The following DGKB variants were observed in gnomAD, a reference collection of about 807,000 sequenced individuals.
DGKB encodes the protein 90 kDa diacylglycerol kinase.
In DGKB, 67 loss-of-function variants were observed where a neutral mutation model predicts 114.3. That is an observed-to-expected ratio of 0.59 (90% confidence interval 0.48 to 0.72). DGKB has a LOEUF of 0.72. Ranked by LOEUF, DGKB falls within the 30% of genes least tolerant of loss-of-function variation. The pLI is 0.00. For synonymous variants in DGKB, 398 were observed against 323.1 expected (o/e 1.23, Z -2.49); for missense variants, 907 against 975.2 (o/e 0.93, Z 0.93).
chr7:14,945,786 T>C (rs1785838674), intron 1 of DGKB, among the ~76,000 whole-genome samples: 1 of 151,762 alleles, frequency 6.6e-6, no homozygotes, highest in African/African-American at 2.4e-5. Context: ...TGTTTATTTA[T>C]TGTACTTTTG....
rs1587449381 is a variant in DGKB, at chr7:14,953,683, C to G, written c.-188+21013G>C. Among the ~76,000 whole-genome samples, 3 of 152,226 alleles carry G rather than the reference C, an allele frequency of 2.0e-5. No individual in the cohort carries two copies. The South Asian group carries it at 6.2e-4, about 32-fold the overall frequency. On this transcript the variant is annotated intron_variant, in intron 1 of 4. Transcript: ENST00000437998. ...TGAGTTACCAGTTCACCTAGCAAAT[C>G]TGCTCTTAGGTGTAGACCCAAGAAA...
intron 20 of DGKB, among the ~76,000 whole-genome samples, chr7:14,570,477 C>A (rs1798219637): frequency 6.6e-6 from 1 of 152,018 alleles, no homozygotes; most frequent in Middle Eastern, 3.2e-3. Flanking sequence ...TTTGACTACC[C>A]AGAAACTTAA....
At chr7:14,213,258 AT>A (rs1024884064) in intron 23 of DGKB, among the ~76,000 whole-genome samples, 1 of 152,070 alleles carries the variant, frequency 6.6e-6, no homozygotes, top group African/African-American at 2.4e-5. Flanking sequence ...AGTTTCTTCT[AT>A]TTAAAGTTGC....
At chr7:14,710,618 T>C (rs1748383108) in intron 6 of DGKB, among the ~76,000 whole-genome samples, 1 of 152,102 alleles carries the variant, frequency 6.6e-6, no homozygotes, top group Admixed American at 6.6e-5. Context: ...AATATAAAGT[T>C]TGATGGGTGT....
chr7:14,952,592 C>T (rs868012255), intron 1 of DGKB, among the ~76,000 whole-genome samples: 1 of 151,732 alleles, frequency 6.6e-6, no homozygotes, highest in African/African-American at 2.4e-5. Context: ...CCCATCTCTT[C>T]TAAAAATACA....
At chr7:14,836,130 G>A (rs1847125491) in intron 2 of DGKB, among the ~76,000 whole-genome samples, 1 of 152,070 alleles carries the variant, frequency 6.6e-6, no homozygotes. Context: ...AACAGGGCTG[G>A]GATTCCACAC....
chr7:14,904,144 A>T (rs2128240855), upstream of DGKB, among the ~76,000 whole-genome samples: 1 of 152,286 alleles, frequency 6.6e-6, no homozygotes, highest in African/African-American at 2.4e-5. Context: ...ATTACTAGTA[A>T]CATTTGCTCT....
chr7:14,240,352 A>T (rs939801955), intron 23 of DGKB, among the ~76,000 whole-genome samples: 7 of 152,096 alleles, frequency 4.6e-5, no homozygotes, highest in African/African-American at 1.7e-4. Context: ...TTTGCACCCA[A>T]AACAACCAAG....
At chr7:14,285,046 T>G (rs1010338895) in intron 23 of DGKB, among the ~76,000 whole-genome samples, 1 of 151,672 alleles carries the variant, frequency 6.6e-6, no homozygotes, top group African/African-American at 2.4e-5. Flanking sequence ...AAAAAAGAAA[T>G]GTATTGGAAA....
intron 2 of DGKB, among the ~76,000 whole-genome samples, chr7:14,779,177 G>A (rs955305054): frequency 3.3e-5 from 5 of 152,018 alleles, no homozygotes; most frequent in Admixed American, 6.6e-5. Context: ...AATAAAATAT[G>A]AAAAGTTTGT....
intron 20 of DGKB, among the ~76,000 whole-genome samples, chr7:14,554,474 G>A (rs1425850463): frequency 3.9e-5 from 6 of 152,054 alleles, no homozygotes; most frequent in South Asian, 2.1e-4. Flanking sequence ...CTTTAAATAT[G>A]CTTTGTGCAG....
chr7:14,958,426 A>AACACACACACACAC (rs754087921), intron 1 of DGKB, among the ~76,000 whole-genome samples: 2,343 of 122,796 alleles, frequency 0.019, 40 homozygotes, highest in East Asian at 0.037. Flanking sequence ...TACCTCTCCC[A>AACACACACACACAC]ACACACACAC....
At chr7:14,830,445 T>A (rs932456509) in intron 2 of DGKB, among the ~76,000 whole-genome samples, 1 of 151,998 alleles carries the variant, frequency 6.6e-6, no homozygotes, top group African/African-American at 2.4e-5. Context: ...AAACCAGAAA[T>A]ATTTAGCAGA....
Position 14,262,124 on chromosome 7 carries a change from C to A in DGKB, c.2122+76391G>T, listed in dbSNP as rs536812017. ...GGGTCCTCTGGAATATAGGAGCTTC[C>A]AAGATAATGACGTATCAGTTGAATT... On this transcript the variant is annotated intron_variant, in intron 23 of 25. Coordinates refer to ENST00000402815, the MANE Select transcript of DGKB (RefSeq NM_001350709.2). Among the ~76,000 whole-genome samples, 9 of 152,126 alleles carry A rather than the reference C, an allele frequency of 5.9e-5. No homozygotes were observed. The East Asian group carries it at 1.7e-3, about 29-fold the overall frequency.
intron 23 of DGKB, among the ~76,000 whole-genome samples, chr7:14,259,207 G>A (rs1796369099): frequency 6.6e-6 from 1 of 152,062 alleles, no homozygotes; most frequent in Non-Finnish European, 1.5e-5. Context: ...ACACAAAGAC[G>A]ATAGTGCAAT....
chr7:14,867,486 T>A, intron 1 of DGKB, among the ~76,000 whole-genome samples: 1 of 152,128 alleles, frequency 6.6e-6, no homozygotes. Context: ...TTAATGTGGA[T>A]GTTCATTTGT....
intron 20 of DGKB, among the ~76,000 whole-genome samples, chr7:14,549,896 G>A (rs1221968451): frequency 2.6e-5 from 4 of 151,918 alleles, no homozygotes; most frequent in African/African-American, 7.2e-5. Flanking sequence ...GCTGAGGGAG[G>A]AGAATCACTT....
chr7:14,364,663 C>T (rs1347643116), intron 21 of DGKB, among the ~76,000 whole-genome samples: 9 of 151,902 alleles, frequency 5.9e-5, no homozygotes, highest in Non-Finnish European at 8.8e-5. Flanking sequence ...ATATAATAAT[C>T]ACTGTTCTGC....
Position 14,376,937 on chromosome 7 carries a change from G to A in DGKB, c.1836-31546C>T, listed in dbSNP as rs113483356. Among the ~76,000 whole-genome samples the A allele has an allele frequency of 3.4e-3, 519 of 152,294 alleles. 6 individuals carry two copies. Among genetic ancestry groups the A allele is most frequent in the African/African-American group, 0.012 (490 of 41,570 alleles). On this transcript the variant is annotated intron_variant, in intron 21 of 25. Coordinates refer to ENST00000402815, the MANE Select transcript of DGKB (RefSeq NM_001350709.2). Reference sequence around the variant, plus strand: ...GTTTGAGTTTCAGTCCCTAAAGCCAGGGGCAAGTTTTTCAAGAGACCCATA... The same window carrying A: ...GTTTGAGTTTCAGTCCCTAAAGCCAAGGGCAAGTTTTTCAAGAGACCCATA...
Sources: allele counts gnomAD v4.1 joint callset (sites outside exome capture counted in the v4.1 genomes callset), GRCh38; gene constraint gnomAD v4.1.1; transcripts MANE v1.5; gene names NCBI Gene and HGNC (gene_info 2026-07-23, HGNC 2026-07-21).